The following CARMIL1 variants were observed in gnomAD, a reference collection of about 807,000 sequenced individuals.
The protein encoded by CARMIL1 is capping protein regulator and myosin 1 linker 1, also known as F-actin-uncapping protein LRRC16A.
In CARMIL1, 90 loss-of-function variants were observed where a neutral mutation model predicts 177.1. The observed-to-expected ratio is 0.51, with a 90% confidence interval of 0.43 to 0.61. The LOEUF is 0.61. CARMIL1 is among the 20% of genes least tolerant of loss of function. The pLI, the probability that CARMIL1 is intolerant of heterozygous loss-of-function variation, is 0.00. For missense variants in CARMIL1, 1,380 were observed against 1,667.0 expected, an observed-to-expected ratio of 0.83 and a Z score of 3.00; for synonymous variants, 577 against 606.2, an observed-to-expected ratio of 0.95 and a Z score of 0.71.
chr6:25,422,072 GCTAGT>G (rs1338187265), intron 3 of CARMIL1, among the ~76,000 whole-genome samples: 1 of 151,906 alleles, frequency 6.6e-6, no homozygotes, highest in African/African-American at 2.4e-5. Flanking sequence ...TGTGAAGTTG[GCTAGT>G]CTAAAGATTC....
chr6:25,548,711 T>G (rs1042141523), intron 26 of CARMIL1, among the ~76,000 whole-genome samples: 1 of 152,142 alleles, frequency 6.6e-6, no homozygotes, highest in African/African-American at 2.4e-5. Context: ...GGGAACAAAC[T>G]TATAAGTAAT....
At chr6:25,450,279 A>C in intron 6 of CARMIL1, 60 bp from the exon 7 acceptor site, 2 of 1,241,064 alleles carry the variant, frequency 1.6e-6, no homozygotes, top group East Asian at 2.4e-5. Flanking sequence ...TAAGCTTTAA[A>C]ATTTTAATTT....
intron 2 of CARMIL1, among the ~76,000 whole-genome samples, chr6:25,341,343 A>G (rs1322036457): frequency 6.6e-6 from 1 of 152,212 alleles, no homozygotes; most frequent in Non-Finnish European, 1.5e-5. Context: ...ATATATTTGC[A>G]TCTGAGTGGA....
chr6:25,495,299 A>G, intron 16 of CARMIL1, 84 bp downstream of exon 16: 2 of 912,422 alleles, frequency 2.2e-6, no homozygotes, highest in Non-Finnish European at 1.7e-6. Flanking sequence ...AGAAAGATAT[A>G]TAATCCAAAG....
intron 36 of CARMIL1, chr6:25,612,379 T>C (rs1816574303): frequency 6.6e-6 from 1 of 152,260 alleles, no homozygotes; most frequent in Admixed American, 6.5e-5. Context: ...TGGACTAGCA[T>C]GCCCAACTAA....
chr6:25,291,489 T>C (rs576360621), intron 2 of CARMIL1, among the ~76,000 whole-genome samples: 7 of 152,332 alleles, frequency 4.6e-5, no homozygotes, highest in Admixed American at 1.3e-4. Flanking sequence ...GTTTAATGCT[T>C]TTCTAGTTTG....
intron 2 of CARMIL1, among the ~76,000 whole-genome samples, chr6:25,408,422 G>T (rs1364550368): frequency 1.3e-5 from 2 of 151,596 alleles, no homozygotes. Context: ...CAAGAAGGCC[G>T]AAGAATTCAA....
In CARMIL1 at chr6:25,355,550, C is replaced by T. The variant is rs115594494; in HGVS notation, c.139-64564C>T. ...ACTGCGTAGCAGTCCAGAGTAGTTG[C>T]GTAGTCCCAGCTACTCTGGAGGTTG... On this transcript the variant is annotated intron_variant, in intron 2 of 36. Transcript: ENST00000329474. Among the ~76,000 whole-genome samples the T allele has an allele frequency of 5.6e-3, 854 of 152,128 alleles. 3 individuals carry two copies. The highest frequency in any genetic ancestry group is 0.018 in the African/African-American group (756 of 41,502).
chr6:25,609,953 T>C, intron 35 of CARMIL1, 97 bp from the exon 36 acceptor site: 1 of 1,360,314 alleles, frequency 7.4e-7, no homozygotes, highest in Non-Finnish European at 9.8e-7. Context: ...GCTTTATTTT[T>C]TTAAATGACT....
chr6:25,405,554 G>A (rs1363784230), intron 2 of CARMIL1, among the ~76,000 whole-genome samples: 2 of 152,166 alleles, frequency 1.3e-5, no homozygotes, highest in South Asian at 4.1e-4. Flanking sequence ...TTCCCAGATC[G>A]TAAGAGCTGC....
At chr6:25,561,394 T>C (rs553995723) in intron 29 of CARMIL1, among the ~76,000 whole-genome samples, 1 of 152,312 alleles carries the variant, frequency 6.6e-6, no homozygotes, top group Non-Finnish European at 1.5e-5. Flanking sequence ...TCAATTATTT[T>C]AATGAGCGTC....
intron 34 of CARMIL1, 37 bp downstream of exon 34, chr6:25,604,930 G>A (rs1390151417): frequency 1.3e-6 from 2 of 1,505,824 alleles, no homozygotes; most frequent in Non-Finnish European, 1.8e-6. Flanking sequence ...CTTAGGAAAA[G>A]CGCTTACCTT....
chr6:25,580,907 T>C lies in CARMIL1; in HGVS notation c.2743-17T>C. The C allele has an allele frequency of 6.4e-7, 1 of 1,565,744 alleles. No individual in the cohort carries two copies. The highest frequency in any genetic ancestry group is 8.7e-7 in the Non-Finnish European group (1 of 1,152,388). ...TGGCTACCTAAGTGTTTTTTTAAAT[T>C]ATTATTTCATTTCTAGATGACCCCT... On this transcript the variant is annotated splice_polypyrimidine_tract_variant and intron_variant, in intron 29 of 36. Coordinates refer to ENST00000329474, the MANE Select transcript of CARMIL1 (RefSeq NM_017640.6).
intron 23 of CARMIL1, among the ~76,000 whole-genome samples, chr6:25,522,163 C>T (rs1806633714): frequency 6.6e-6 from 1 of 152,212 alleles, no homozygotes; most frequent in African/African-American, 2.4e-5. Context: ...CAAGTCTCAT[C>T]ATTTCTTACC....
intron 12 of CARMIL1, among the ~76,000 whole-genome samples, chr6:25,482,860 C>CA (rs1802260303): frequency 6.6e-6 from 1 of 151,966 alleles, no homozygotes. Context: ...CCTGTCAATT[C>CA]ATTATTATTT....
chr6:25,389,372 G>A (rs540497587), intron 2 of CARMIL1, among the ~76,000 whole-genome samples: 1 of 151,980 alleles, frequency 6.6e-6, no homozygotes, highest in Non-Finnish European at 1.5e-5. Flanking sequence ...GATTTGGGGG[G>A]GTCTTGCTGT....
Position 25,471,228 on chromosome 6 carries a change from A to G in CARMIL1, c.750A>G (p.Glu250=). ...TGAGTAGGTCCAATCGACTGGAAGAATTGGTGTTGGAAAATGCTGGACTTA... is the reference window on the plus strand; with the variant it reads ...TGAGTAGGTCCAATCGACTGGAAGAGTTGGTGTTGGAAAATGCTGGACTTA... ...RVVSRSNRLE[E]LVLENAGLRT... The change falls in exon 10 of 37, where the codon GAA becomes GAG. Residue 250 remains glutamate, a synonymous_variant. Transcript: ENST00000329474. The G allele has an allele frequency of 6.2e-7, 1 of 1,613,404 alleles. No individual in the cohort carries two copies. Among genetic ancestry groups the G allele is most frequent in the Non-Finnish European group, 8.5e-7 (1 of 1,179,536 alleles).
At chr6:25,313,148 TA>T (rs1783972264) in intron 2 of CARMIL1, among the ~76,000 whole-genome samples, 1 of 151,856 alleles carries the variant, frequency 6.6e-6, no homozygotes, top group South Asian at 2.1e-4. Context: ...ATTTTGAAAA[TA>T]AAAAATTTTC....
chr6:25,485,490 A>G (rs1342862793), intron 12 of CARMIL1, among the ~76,000 whole-genome samples: 1 of 152,202 alleles, frequency 6.6e-6, no homozygotes, highest in Admixed American at 6.5e-5. Flanking sequence ...ATCTTGGCTC[A>G]CTTGCATGAT....
Sources: gnomAD v4.1 joint callset for allele counts (sites outside exome capture counted in the v4.1 genomes callset) on GRCh38, gnomAD v4.1.1 for gene constraint, MANE v1.5 for transcripts, NCBI Gene and HGNC (gene_info 2026-07-23, HGNC 2026-07-21) for gene names.